FGGY: variants seen among roughly 807,000 people sequenced by gnomAD.
The protein encoded by FGGY is FGGY carbohydrate kinase domain-containing protein.
Under a neutral mutation model 71.3 loss-of-function variants are expected in FGGY, and 72 were observed. The observed-to-expected ratio is 1.01, with a 90% CI of 0.84 to 1.23. The LOEUF (loss-of-function observed/expected upper bound fraction) is 1.23, where lower values mean the gene tolerates loss of function less well. Ranked by LOEUF, FGGY falls within the 50% of genes most tolerant of loss-of-function variation. FGGY has a pLI of 0.00. For missense variants in FGGY, 668 were observed against 682.3 expected, an observed-to-expected ratio of 0.98 and a Z score of 0.23; for synonymous variants, 251 against 250.3, an observed-to-expected ratio of 1.00 and a Z score of -0.02.
intron 6 of FGGY, among the ~76,000 whole-genome samples, chr1:59,499,899 T>C (rs927066570): frequency 6.6e-6 from 1 of 152,184 alleles, no homozygotes; most frequent in Non-Finnish European, 1.5e-5. Context: ...TTACTCTCTT[T>C]TATTCATGTA....
intron 5 of FGGY, among the ~76,000 whole-genome samples, chr1:59,443,489 C>T (rs1022673446): frequency 1.3e-5 from 2 of 152,046 alleles, no homozygotes; most frequent in African/African-American, 4.8e-5. Context: ...TGCTATTTTT[C>T]ACTTATTTCT....
chr1:59,759,174 A>C (rs1221762253), intron 15 of FGGY, among the ~76,000 whole-genome samples: 1 of 152,200 alleles, frequency 6.6e-6, no homozygotes, highest in Non-Finnish European at 1.5e-5. Flanking sequence ...TGAACAGGCA[A>C]ATGTGCAGAT....
At chr1:59,384,422 C>A (rs1245200290) in intron 5 of FGGY, among the ~76,000 whole-genome samples, 2 of 152,128 alleles carry the variant, frequency 1.3e-5, no homozygotes, top group Admixed American at 1.3e-4. Flanking sequence ...TCTATTTCTA[C>A]TTGCATATCA....
chr1:59,652,540 C>T (rs1373283979), intron 11 of FGGY, among the ~76,000 whole-genome samples: 4 of 144,094 alleles, frequency 2.8e-5, no homozygotes, highest in South Asian at 2.4e-4. Flanking sequence ...TCCAGTTGAT[C>T]GCATCGGCTC....
At chr1:59,590,216 C>T (rs1294291454) in intron 8 of FGGY, among the ~76,000 whole-genome samples, 2 of 152,182 alleles carry the variant, frequency 1.3e-5, no homozygotes, top group Admixed American at 6.5e-5. Context: ...TCGACACATA[C>T]ACCCTCCCAA....
In FGGY at chr1:59,340,441, C is replaced by T. The variant is rs769917402; in HGVS notation, c.313+372C>T. 6.6e-5 allele frequency among the ~76,000 whole-genome samples: 10 copies of T among 152,226 alleles called. No individual in the cohort carries two copies. The South Asian group carries it at 1.2e-3, about 19-fold the overall frequency. ...TTCTTTGTATACGATATTCCTATTC[C>T]GTGCTTATCTGAGTGGATGAGCCAA... On this transcript the variant is annotated intron_variant, in intron 3 of 15. Coordinates refer to ENST00000303721, the MANE Select transcript of FGGY (RefSeq NM_018291.5).
intron 5 of FGGY, among the ~76,000 whole-genome samples, chr1:59,415,098 G>A (rs368627743): frequency 1.6e-4 from 25 of 152,264 alleles, no homozygotes; most frequent in East Asian, 1.2e-3. Flanking sequence ...ACTCGCTAAC[G>A]GAGTTACCCT....
intron 7 of FGGY, among the ~76,000 whole-genome samples, chr1:59,546,523 G>GATTATTATT (rs1479582691): frequency 1.3e-3 from 96 of 74,398 alleles, no homozygotes; most frequent in African/African-American, 5.1e-3. Flanking sequence ...TGATGATGAT[G>GATTATTATT]ATGATGATGA....
At chr1:59,372,368 G>C (rs1384766938) in intron 4 of FGGY, among the ~76,000 whole-genome samples, 4 of 152,310 alleles carry the variant, frequency 2.6e-5, no homozygotes, top group African/African-American at 9.6e-5. Context: ...GGAAGAAGTT[G>C]AATCTCTGAA....
At chr1:59,632,633 G>A (rs1433047012) in intron 10 of FGGY, among the ~76,000 whole-genome samples, 1 of 152,162 alleles carries the variant, frequency 6.6e-6, no homozygotes, top group East Asian at 1.9e-4. Context: ...AGTATGTTTG[G>A]CACTGTGCTT....
chr1:59,739,391 T>C (rs1024788102), intron 14 of FGGY, among the ~76,000 whole-genome samples: 17 of 152,208 alleles, frequency 1.1e-4, no homozygotes, highest in African/African-American at 4.1e-4. Context: ...CTCACCTATC[T>C]GGCCATATGT....
At chr1:59,497,894 C>T (rs1023543596) in intron 6 of FGGY, among the ~76,000 whole-genome samples, 4 of 145,236 alleles carry the variant, frequency 2.8e-5, no homozygotes, top group East Asian at 4.0e-4. Flanking sequence ...CCCATTTTTC[C>T]GTACGCAGTC....
chr1:59,529,678 T>C (rs1172081036), intron 7 of FGGY, among the ~76,000 whole-genome samples: 1 of 152,178 alleles, frequency 6.6e-6, no homozygotes, highest in African/African-American at 2.4e-5. Context: ...GTTTTGGAGT[T>C]TGTGCTTCCT....
At chr1:59,702,211 A>G (rs972994611) in intron 14 of FGGY, among the ~76,000 whole-genome samples, 7 of 152,150 alleles carry the variant, frequency 4.6e-5, no homozygotes, top group Non-Finnish European at 1.0e-4. Context: ...CCCTCAACAT[A>G]CGGGGATTAC....
Position 59,520,696 on chromosome 1 carries a change from CA to C in FGGY, c.799+8258del, listed in dbSNP as rs534866433. ...AAATATAAGAGGGTTTTGAAAAATC[CA>C]GAATAAGAATTGGTAAATATAGGTG... On this transcript the variant is annotated intron_variant, in intron 7 of 15. Transcript: ENST00000303721. 2.2e-4 allele frequency among the ~76,000 whole-genome samples: 34 copies of C among 151,930 alleles called. No homozygotes were observed. The South Asian group carries it at 6.7e-3, about 30-fold the overall frequency.
chr1:59,585,534 G>T (rs1571656304), intron 8 of FGGY, among the ~76,000 whole-genome samples: 2 of 152,182 alleles, frequency 1.3e-5, no homozygotes, highest in East Asian at 1.9e-4. Context: ...ATGGATTAAA[G>T]ACTTAAATGT....
intron 5 of FGGY, among the ~76,000 whole-genome samples, chr1:59,407,974 A>G (rs1269163937): frequency 6.6e-6 from 1 of 152,080 alleles, no homozygotes; most frequent in African/African-American, 2.4e-5. Context: ...CAGGAAAGGT[A>G]CTCTTTACTT....
chr1:59,321,701 A>G lies in FGGY; in HGVS notation c.152A>G (p.His51Arg), dbSNP rs761507232. ...AATTGGGAGCCCCAGTTCAACCACCATGAGCAGTCCTCCGAGGACATCTGG... is the reference window on the plus strand; with the variant it reads ...AATTGGGAGCCCCAGTTCAACCACCGTGAGCAGTCCTCCGAGGACATCTGG... ...IKNWEPQFNH[H>R]EQSSEDIWAA... The change falls in exon 2 of 16, where the codon CAT becomes CGT. Residue 51 changes from histidine (H) to arginine (R), a missense_variant. Physicochemically the swap from His to Arg is conservative, Grantham distance 29. This residue lies in a region of FGGY where 661 missense variants were observed against 661.6 expected (regional missense o/e 1.00). Coordinates refer to ENST00000303721, the MANE Select transcript of FGGY (RefSeq NM_018291.5). The G allele has an allele frequency of 1.2e-6, 2 of 1,613,052 alleles. No individual in the cohort carries two copies. Among genetic ancestry groups the G allele is most frequent in the Non-Finnish European group, 1.7e-6 (2 of 1,179,538 alleles).
chr1:59,549,886 A>C (rs943363149), intron 7 of FGGY, among the ~76,000 whole-genome samples: 2 of 152,244 alleles, frequency 1.3e-5, no homozygotes, highest in African/African-American at 2.4e-5. Flanking sequence ...AGAGCTGTTC[A>C]TGAAGTTTTA....
Sources: gnomAD v4.1 joint callset for allele counts (sites outside exome capture counted in the v4.1 genomes callset) on GRCh38, gnomAD v4.1.1 for gene constraint, gnomAD v4.1.1 regional missense constraint, MANE v1.5 for transcripts, NCBI Gene and HGNC (gene_info 2026-07-23, HGNC 2026-07-21) for gene names.